NDUFA7: variants seen among roughly 807,000 people sequenced by gnomAD.
The protein encoded by NDUFA7 is NADH:ubiquinone oxidoreductase subunit A7.
A neutral mutation model predicts 14.2 loss-of-function variants in NDUFA7; 18 were observed. The observed-to-expected ratio is 1.27, with a 90% CI of 0.88 to 1.88. The LOEUF (loss-of-function observed/expected upper bound fraction) is 1.88. Among genes scored for constraint, NDUFA7 ranks in the 40% most tolerant of loss-of-function variants. The probability of loss-of-function intolerance (pLI) is 0.00; values close to 1 mark genes in which losing one functional copy is unlikely to be tolerated. For synonymous variants in NDUFA7, 75 were observed against 62.1 expected (o/e 1.21, Z -0.98); for missense variants, 172 against 147.3 (o/e 1.17, Z -0.87).
In NDUFA7 at chr19:8,320,919, G is replaced by A; in HGVS notation, c.52-13C>T. 1.9e-6 allele frequency: 3 copies of A among 1,613,748 alleles called. No individual in the cohort carries two copies. The highest frequency in any genetic ancestry group is 2.5e-6 in the Non-Finnish European group (3 of 1,179,988). On this transcript the variant is annotated splice_polypyrimidine_tract_variant and intron_variant, in intron 1 of 3. Transcript: ENST00000301457. ...CCTGCAGGTCATGCTGTGGGAAGAG[G>A]AGAGGAGAGGTCGGCCTGCAAGGCA...
intron 3 of NDUFA7, among the ~76,000 whole-genome samples, chr19:8,312,723 G>A (rs571775786): frequency 1.6e-4 from 25 of 152,072 alleles, no homozygotes; most frequent in East Asian, 1.2e-3. Flanking sequence ...GTGCAGTGGC[G>A]CAATCTCAGC....
At chr19:8,313,293 C>T (rs1317362984) in intron 3 of NDUFA7, among the ~76,000 whole-genome samples, 9 of 151,600 alleles carry the variant, frequency 5.9e-5, no homozygotes, top group East Asian at 1.9e-4. Flanking sequence ...TGCAGTGGCG[C>T]GATCTCAGTG....
chr19:8,314,095 G>A (rs1008140138), intron 3 of NDUFA7, among the ~76,000 whole-genome samples: 1 of 152,204 alleles, frequency 6.6e-6, no homozygotes, highest in Non-Finnish European at 1.5e-5. Flanking sequence ...GCCGAGGCCA[G>A]AGGATCACAT....
At chr19:8,308,720 T>C (rs780712289), downstream of NDUFA7, 55 of 239,950 alleles carry the variant, frequency 2.3e-4, no homozygotes, top group Non-Finnish European at 3.8e-4. Flanking sequence ...TCTGGTTTGT[T>C]GTCCGAGTCC....
downstream of NDUFA7, among the ~76,000 whole-genome samples, chr19:8,310,279 A>C (rs1970162001): frequency 6.6e-6 from 1 of 151,608 alleles, no homozygotes; most frequent in African/African-American, 2.4e-5. Context: ...AAAATACAAA[A>C]ATTAGCTGGG....
intron 3 of NDUFA7, among the ~76,000 whole-genome samples, chr19:8,314,791 T>G (rs1465385718): frequency 6.6e-6 from 1 of 152,060 alleles, no homozygotes; most frequent in Non-Finnish European, 1.5e-5. Flanking sequence ...TGGGCACTTG[T>G]AGTCCTAGCC....
chr19:8,311,334 G>A lies in NDUFA7; in HGVS notation c.*171C>T. On this transcript the variant is annotated 3_prime_UTR_variant, in exon 4 of 4. Coordinates refer to ENST00000301457, the MANE Select transcript of NDUFA7 (RefSeq NM_005001.5). ...GCAGGAGGATCGCTTGAGGCCAGGA[G>A]TTCAAGATCAGCCTGGGAAACATGG... 3.9e-6 allele frequency: 2 copies of A among 508,738 alleles called. No homozygotes were observed. Among genetic ancestry groups the A allele is most frequent in the Non-Finnish European group, 6.8e-6 (2 of 294,802 alleles). The allele number at this position is 508,738 out of a possible 1,614,324, so 31.5% of individuals were successfully genotyped here. A position where few individuals can be genotyped will look rare whatever the true frequency, so the allele number is the denominator to read the frequency against.
chr19:8,320,737 G>T, intron 2 of NDUFA7, 120 bp downstream of exon 2: 1 of 1,231,312 alleles, frequency 8.1e-7, no homozygotes, highest in Non-Finnish European at 1.2e-6. Flanking sequence ...TCCACAGCCT[G>T]GCAGGGGACT....
chr19:8,320,787 G>A (rs1203497068), intron 2 of NDUFA7, 70 bp downstream of exon 2: 21 of 1,580,230 alleles, frequency 1.3e-5, no homozygotes, highest in Non-Finnish European at 1.7e-5. Flanking sequence ...GGGTCTAAAG[G>A]AACACAGATT....
chr19:8,313,906 C>G (rs1403418386), intron 3 of NDUFA7, among the ~76,000 whole-genome samples: 1 of 152,200 alleles, frequency 6.6e-6, no homozygotes, highest in Non-Finnish European at 1.5e-5. Context: ...AGGACTAACC[C>G]TCGTAACAGC....
chr19:8,310,503 A>C (rs1970165385), downstream of NDUFA7: 1 of 150,932 alleles, frequency 6.6e-6, no homozygotes, highest in African/African-American at 2.4e-5. Flanking sequence ...ACCCCACCTG[A>C]CTGGTCTTCA....
At chr19:8,309,429 A>G (rs1970148287), downstream of NDUFA7, among the ~76,000 whole-genome samples, 3 of 151,616 alleles carry the variant, frequency 2.0e-5, no homozygotes, top group Admixed American at 6.6e-5. Context: ...CGCCGAGACC[A>G]CATCATTGAA....
intron 2 of NDUFA7, chr19:8,316,914 C>A (rs185149668): frequency 2.8e-6 from 1 of 352,892 alleles, no homozygotes; most frequent in Non-Finnish European, 5.2e-6. Context: ...GTACAGAGGA[C>A]CCTTTCTGAG....
chr19:8,316,655 A>G lies in NDUFA7; in HGVS notation c.102-10T>C. The stretch of plus-strand genomic sequence containing the variant: ...GGGAGGAGGCTGAGTTCTGAGGGGA[A>G]AAAAGATGAGCACTGAAGCAAAGAG... On this transcript the variant is annotated splice_polypyrimidine_tract_variant and intron_variant, in intron 2 of 3. Coordinates refer to ENST00000301457, the MANE Select transcript of NDUFA7 (RefSeq NM_005001.5). 1 of 1,613,706 alleles carries G rather than the reference A, an allele frequency of 6.2e-7. No individual in the cohort carries two copies. Among genetic ancestry groups the G allele is most frequent in the Non-Finnish European group, 8.5e-7 (1 of 1,179,686 alleles).
intron 3 of NDUFA7, among the ~76,000 whole-genome samples, chr19:8,314,269 C>T (rs1490623875): frequency 6.6e-6 from 1 of 151,200 alleles, no homozygotes; most frequent in Non-Finnish European, 1.5e-5. Context: ...TGCAGTGAGC[C>T]GAAATCGCGC....
At chr19:8,315,694 C>T (rs1970224568) in intron 3 of NDUFA7, among the ~76,000 whole-genome samples, 1 of 152,072 alleles carries the variant, frequency 6.6e-6, no homozygotes, top group African/African-American at 2.4e-5. Context: ...ATGCTGAGCG[C>T]TGGTCCCCTG....
At chr19:8,314,103 C>G (rs1015966516) in intron 3 of NDUFA7, among the ~76,000 whole-genome samples, 1 of 151,988 alleles carries the variant, frequency 6.6e-6, no homozygotes, top group African/African-American at 2.4e-5. Flanking sequence ...CAGAGGATCA[C>G]ATGAGGTCAG....
Position 8,316,897 on chromosome 19 carries a change from G to A in NDUFA7, c.102-252C>T, listed in dbSNP as rs1241202768. ...CCCAGGGACCCCACCTGTCCCAAAT[G>A]TGGAGGGTACAGAGGACCCTTTCTG... On this transcript the variant is annotated intron_variant, in intron 2 of 3. Coordinates refer to ENST00000301457, the MANE Select transcript of NDUFA7 (RefSeq NM_005001.5). 6.2e-6 allele frequency: 3 copies of A among 484,974 alleles called. No individual in the cohort carries two copies. The East Asian group carries it at 1.1e-4, about 18-fold the overall frequency. The allele number at this position is 484,974 out of a possible 1,614,324, so 30.0% of individuals were successfully genotyped here.
At chr19:8,314,998 G>C (rs1970216954) in intron 3 of NDUFA7, among the ~76,000 whole-genome samples, 1 of 152,186 alleles carries the variant, frequency 6.6e-6, no homozygotes, top group Non-Finnish European at 1.5e-5. Context: ...TGTGCTCCCT[G>C]AGACATGTGC....
Sources: allele counts gnomAD v4.1 joint callset (sites outside exome capture counted in the v4.1 genomes callset), GRCh38; gene constraint gnomAD v4.1.1; transcripts MANE v1.5; gene names NCBI Gene and HGNC (gene_info 2026-07-23, HGNC 2026-07-21).